INTS13: variants seen among roughly 807,000 people sequenced by gnomAD.
The protein encoded by INTS13 is integrator complex subunit 13, also known as asunder, spermatogenesis regulator homolog (Drosphila).
In INTS13, 35 loss-of-function variants were observed where a neutral mutation model predicts 90.2. The ratio of observed to expected loss-of-function variants is 0.39; its 90% CI spans 0.30 to 0.51. The LOEUF is 0.51. INTS13 is among the 20% of genes least tolerant of loss of function. The pLI is 0.80. For synonymous variants in INTS13, 309 were observed against 277.1 expected (o/e 1.11, Z -1.14); for missense variants, 601 against 851.2 (o/e 0.71, Z 3.66).
At chr12:26,912,686 T>C (rs1194732170) in intron 14 of INTS13, among the ~76,000 whole-genome samples, 4 of 151,988 alleles carry the variant, frequency 2.6e-5, no homozygotes, top group African/African-American at 9.7e-5. Context: ...AAGGACATCC[T>C]ATGCCTATTT....
intron 3 of INTS13, among the ~76,000 whole-genome samples, chr12:26,930,756 G>A (rs1363199922): frequency 6.6e-6 from 1 of 151,048 alleles, no homozygotes; most frequent in Non-Finnish European, 1.5e-5. Flanking sequence ...GCAGTCAGTA[G>A]GTACAAATCT....
rs770369080 is a variant in INTS13, at chr12:26,914,092, G to C, written c.1456C>G (p.Leu486Val). 1.2e-6 allele frequency: 2 copies of C among 1,606,846 alleles called. No individual in the cohort carries two copies. The highest frequency in any genetic ancestry group is 1.1e-5 in the South Asian group (1 of 89,164). ...CAGTTTAACACATCTTCTTCTGTCA[G>C]AGATTCTTTCACAATAACACTGGCT... is the stretch of plus-strand genomic sequence containing the variant. ...PLASVIVKESLTEEDVLNCQK... is the reference protein window; with the variant it reads ...PLASVIVKESVTEEDVLNCQK... Residue 486 changes from leucine (L) to valine (V), a missense_variant, in exon 13 of 17, where the codon CTG becomes GTG. Leu to Val is a conservative substitution (Grantham distance 32, BLOSUM62 1). Coordinates refer to ENST00000261191, the MANE Select transcript of INTS13 (RefSeq NM_018164.3).
In INTS13 at chr12:26,905,215, G is replaced by A. The variant is rs575227261; in HGVS notation, c.*282C>T. On this transcript the variant is annotated 3_prime_UTR_variant, in exon 17 of 17. Coordinates refer to ENST00000261191, the MANE Select transcript of INTS13 (RefSeq NM_018164.3). Reference sequence around the variant, plus strand: ...TCAAATATTTTAATAGTTTTATTTCGCAAAGAGAAGCCTAAGAATTTTTTT... The same window carrying A: ...TCAAATATTTTAATAGTTTTATTTCACAAAGAGAAGCCTAAGAATTTTTTT... 2.0e-4 allele frequency: 55 copies of A among 278,382 alleles called. No individual in the cohort carries two copies. Among genetic ancestry groups the A allele is most frequent in the Middle Eastern group, 1.1e-3 (1 of 898 alleles). The allele number at this position is 278,382 out of a possible 1,614,324, so 17.2% of individuals were successfully genotyped here. A position where few individuals can be genotyped will look rare whatever the true frequency, so the allele number is the denominator to read the frequency against.
At position 26,911,303 on chromosome 12, in the gene INTS13, A is replaced by G; in HGVS notation, c.1820T>C (p.Leu607Ser). Residue 607 changes from leucine to serine, a missense_variant, in exon 15 of 17, where the codon TTA becomes TCA. Transcript: ENST00000261191. ...AGCCAATTCTTCTTTTCCACGCTCT[A>G]AGATTCCTTTTAATCTTTTAGAGGG... Reference protein sequence around the residue: ...WQDSERLKGILERGKEELAEA... With the variant: ...WQDSERLKGISERGKEELAEA... The G allele has an allele frequency of 6.2e-7, 1 of 1,610,978 alleles. No homozygotes were observed. Among genetic ancestry groups the G allele is most frequent in the Non-Finnish European group, 8.5e-7 (1 of 1,179,098 alleles).
chr12:26,919,744 G>A (rs1952053298), intron 8 of INTS13, among the ~76,000 whole-genome samples: 1 of 149,854 alleles, frequency 6.7e-6, no homozygotes, highest in Non-Finnish European at 1.5e-5. Flanking sequence ...ACTAGTTCAG[G>A]TGGCAAAGCT....
intron 11 of INTS13, 50 bp from the exon 12 acceptor site, chr12:26,914,628 G>A (rs1479812838): frequency 1.4e-6 from 2 of 1,440,122 alleles, no homozygotes; most frequent in Non-Finnish European, 1.9e-6. Flanking sequence ...TAATGTTTCA[G>A]TATGGATTAC....
At chr12:26,910,012 T>C (rs1592196362) in intron 15 of INTS13, among the ~76,000 whole-genome samples, 1 of 152,126 alleles carries the variant, frequency 6.6e-6, no homozygotes, top group African/African-American at 2.4e-5. Flanking sequence ...TCAAGATAAC[T>C]AAAGCCTAGA....
intron 8 of INTS13, among the ~76,000 whole-genome samples, chr12:26,921,490 T>C (rs1382856618): frequency 6.6e-6 from 1 of 152,198 alleles, no homozygotes; most frequent in African/African-American, 2.4e-5. Flanking sequence ...CACAGGACAC[T>C]AGTTCCATTG....
At chr12:26,925,340 T>C (rs994971348) in intron 6 of INTS13, among the ~76,000 whole-genome samples, 4 of 152,132 alleles carry the variant, frequency 2.6e-5, no homozygotes, top group African/African-American at 9.6e-5. Flanking sequence ...CAAATTTATT[T>C]AAAAAGTAAA....
chr12:26,913,959 G>GAA lies in INTS13; in HGVS notation c.1574+13_1574+14dup. ...TAAATGTGATCTATAAAGTAAGAAA[G>GAA]AAAAAAAAATGTACCTTTTAGGGCC... On this transcript the variant is annotated intron_variant, in intron 13 of 16. Transcript: ENST00000261191. The GAA allele has an allele frequency of 1.3e-6, 2 of 1,572,088 alleles. No individual in the cohort carries two copies. The highest frequency in any genetic ancestry group is 8.6e-7 in the Non-Finnish European group (1 of 1,160,076).
chr12:26,925,913 G>A, intron 5 of INTS13, 62 bp from the exon 6 acceptor site: 1 of 1,192,206 alleles, frequency 8.4e-7, no homozygotes, highest in Non-Finnish European at 1.2e-6. Context: ...ATTCAAGCAG[G>A]TAAACTACTA....
intron 8 of INTS13, among the ~76,000 whole-genome samples, 154 bp from the exon 9 acceptor site, chr12:26,917,887 G>T (rs1007500593): frequency 1.3e-5 from 2 of 152,170 alleles, no homozygotes; most frequent in African/African-American, 4.8e-5. Context: ...ACTTTGGGAG[G>T]CTGAGGCAGG....
chr12:26,908,332 C>T (rs878878962), intron 15 of INTS13, among the ~76,000 whole-genome samples: 1 of 152,006 alleles, frequency 6.6e-6, no homozygotes, highest in Non-Finnish European at 1.5e-5. Flanking sequence ...CAGAACTGTA[C>T]ATCAAAAAGA....
intron 3 of INTS13, chr12:26,929,163 A>G (rs142698678): frequency 4.0e-4 from 126 of 313,934 alleles, no homozygotes; most frequent in African/African-American, 2.5e-3. Flanking sequence ...TAAAATAAAA[A>G]TCACATGATC....
At chr12:26,923,877 C>A (rs1937720127) in intron 7 of INTS13, among the ~76,000 whole-genome samples, 1 of 152,120 alleles carries the variant, frequency 6.6e-6, no homozygotes, top group African/African-American at 2.4e-5. Flanking sequence ...TCTAATAACA[C>A]AGCTGTCAAG....
chr12:26,933,216 A>C (rs140056293), intron 3 of INTS13, among the ~76,000 whole-genome samples: 17 of 152,342 alleles, frequency 1.1e-4, no homozygotes, highest in African/African-American at 3.8e-4. Context: ...TGAGAAAAAC[A>C]GTAAGGAATT....
intron 4 of INTS13, 145 bp from the exon 5 acceptor site, chr12:26,928,430 T>C (rs2137536626): frequency 4.2e-6 from 3 of 712,260 alleles, no homozygotes; most frequent in Non-Finnish European, 6.9e-6. Context: ...GTCATACCAC[T>C]AAACAACTAG....
At chr12:26,908,604 C>T (rs1011604498) in intron 15 of INTS13, among the ~76,000 whole-genome samples, 9 of 151,576 alleles carry the variant, frequency 5.9e-5, no homozygotes, top group African/African-American at 2.2e-4. Flanking sequence ...CTAGATGGCA[C>T]ATTTGGAATA....
chr12:26,931,509 C>T (rs1300798698), intron 3 of INTS13, among the ~76,000 whole-genome samples: 1 of 151,984 alleles, frequency 6.6e-6, no homozygotes, highest in Non-Finnish European at 1.5e-5. Flanking sequence ...GGATTGTTAC[C>T]ACTGCATAGC....
Sources: allele counts gnomAD v4.1 joint callset (sites outside exome capture counted in the v4.1 genomes callset), GRCh38; gene constraint gnomAD v4.1.1; transcripts MANE v1.5; gene names NCBI Gene and HGNC (gene_info 2026-07-23, HGNC 2026-07-21).